IGSF10: variants seen among roughly 807,000 people sequenced by gnomAD.
The protein encoded by IGSF10 is immunoglobulin superfamily member 10.
Under a neutral mutation model 128.2 loss-of-function variants are expected in IGSF10, and 126 were observed. The observed-to-expected ratio is 0.98, with a 90% CI of 0.85 to 1.14. The LOEUF (loss-of-function observed/expected upper bound fraction) is 1.14, where lower values mean the gene tolerates loss of function less well. Among genes scored for constraint, IGSF10 ranks in the 50% most tolerant of loss-of-function variants. The pLI is 0.00. For synonymous variants in IGSF10, 1,185 were observed against 1,146.2 expected (o/e 1.03, Z -0.68); for missense variants, 3,295 against 3,149.8 (o/e 1.05, Z -1.10).
the IGSF10 span, among the ~76,000 whole-genome samples, chr3:151,612,169 C>T: frequency 1.3e-5 from 2 of 152,134 alleles, no homozygotes; most frequent in Non-Finnish European, 2.9e-5. Context: ...CATTGCACTT[C>T]GTGTCAAGTT....
the IGSF10 span, among the ~76,000 whole-genome samples, chr3:151,518,102 A>G: frequency 8.4e-3 from 1,276 of 152,092 alleles, 12 homozygotes; most frequent in South Asian, 0.015. Context: ...CTGCCTACTT[A>G]TATATTTTAA....
At chr3:151,505,522 T>A in the IGSF10 span, among the ~76,000 whole-genome samples, 1 of 152,150 alleles carries the variant, frequency 6.6e-6, no homozygotes, top group African/African-American at 2.4e-5. Context: ...TTCAAAATTA[T>A]CAGGTGAAAA....
the IGSF10 span, among the ~76,000 whole-genome samples, chr3:151,534,241 T>G: frequency 6.6e-6 from 1 of 152,176 alleles, no homozygotes; most frequent in African/African-American, 2.4e-5. Context: ...TGGAAGACAG[T>G]GTGGTGATTC....
the IGSF10 span, among the ~76,000 whole-genome samples, chr3:151,528,296 A>C: frequency 2.0e-5 from 3 of 152,214 alleles, no homozygotes; most frequent in African/African-American, 7.2e-5. Flanking sequence ...AGGTCATTGC[A>C]TTCAGGGACT....
chr3:151,490,042 ACTTATC>A, the IGSF10 span, among the ~76,000 whole-genome samples: 1 of 152,204 alleles, frequency 6.6e-6, no homozygotes, highest in Non-Finnish European at 1.5e-5. Context: ...ATAAGTCTTT[ACTTATC>A]AATAATAACC....
chr3:151,612,861 C>T, the IGSF10 span, among the ~76,000 whole-genome samples: 136,998 of 152,218 alleles, frequency 0.9, 61,927 homozygotes, highest in East Asian at 1. Context: ...AAGCTCAACA[C>T]AACTGATCAT....
At chr3:151,469,565 T>C in the IGSF10 span, among the ~76,000 whole-genome samples, 1 of 152,194 alleles carries the variant, frequency 6.6e-6, no homozygotes, top group East Asian at 1.9e-4. Context: ...TCTACAGAAA[T>C]AAATTGATAA....
At chr3:151,498,258 C>T in the IGSF10 span, among the ~76,000 whole-genome samples, 1 of 152,068 alleles carries the variant, frequency 6.6e-6, no homozygotes, top group Non-Finnish European at 1.5e-5. Flanking sequence ...TGCCAGTTTT[C>T]TAATGCTTCC....
At chr3:151,579,011 A>G in the IGSF10 span, among the ~76,000 whole-genome samples, 1 of 152,228 alleles carries the variant, frequency 6.6e-6, no homozygotes, top group African/African-American at 2.4e-5. Flanking sequence ...GAAAGAGTAA[A>G]GAAGATGAAG....
chr3:151,499,309 T>C, the IGSF10 span, among the ~76,000 whole-genome samples: 2 of 152,162 alleles, frequency 1.3e-5, no homozygotes, highest in Admixed American at 6.6e-5. Flanking sequence ...AAAGCATACA[T>C]TGAGAATACT....
Position 151,448,900 on chromosome 3 carries a change from A to C in IGSF10, c.1081T>G (p.Phe361Val), listed in dbSNP as rs779451066. The C allele has an allele frequency of 6.2e-7, 1 of 1,614,238 alleles. No homozygotes were observed. The highest frequency in any genetic ancestry group is 8.5e-7 in the Non-Finnish European group (1 of 1,180,040). ...CCGTAATCTATGTTGCACACCAAAA[A>C]TGTTGAAAATGAAGTATTTAGCACG... ...YIVLNTSFST[F>V]LVCNIDYGHI... Residue 361 changes from phenylalanine to valine, a missense_variant, in exon 6 of 8, where the codon TTT becomes GTT. Phe to Val is a conservative substitution (Grantham distance 50). Coordinates refer to ENST00000282466, the MANE Select transcript of IGSF10 (RefSeq NM_178822.5).
Position 151,445,124 on chromosome 3 carries a change from A to C in IGSF10, c.4857T>G (p.Ser1619Arg), listed in dbSNP as rs1347018905. The change falls in exon 6 of 8, where the codon AGT becomes AGG. Residue 1619 changes from serine (S) to arginine (R), a missense_variant. Ser to Arg is a moderately radical substitution (Grantham distance 110). Coordinates refer to ENST00000282466, the MANE Select transcript of IGSF10 (RefSeq NM_178822.5). ...CTTGAACTGGTTTCTTATCAAAGTC[A>C]CTCTTCTTTGTGTTCTTCTGTCCAT... ...DWDGQKNTKK[S>R]DFDKKPVQEA... 1.2e-6 allele frequency: 2 copies of C among 1,613,948 alleles called. No homozygotes were observed. The highest frequency in any genetic ancestry group is 3.3e-5 in the Admixed American group (2 of 59,984).
chr3:151,478,695 A>G, the IGSF10 span, among the ~76,000 whole-genome samples: 1 of 152,198 alleles, frequency 6.6e-6, no homozygotes, highest in Non-Finnish European at 1.5e-5. Context: ...TCAAATTCCA[A>G]TGCTCTATAA....
the IGSF10 span, among the ~76,000 whole-genome samples, chr3:151,534,452 C>T: frequency 1.3e-5 from 2 of 152,284 alleles, no homozygotes; most frequent in Non-Finnish European, 2.9e-5. Context: ...AGCACATATA[C>T]ACCATGGAAT....
chr3:151,486,710 C>T, the IGSF10 span, among the ~76,000 whole-genome samples: 721 of 152,176 alleles, frequency 4.7e-3, 6 homozygotes, highest in African/African-American at 0.017. Flanking sequence ...TGAATGACTA[C>T]TCAATGAAAT....
rs529047696 is a variant in IGSF10, at chr3:151,437,642, C to T, written c.6919G>A (p.Asp2307Asn). The T allele has an allele frequency of 2.5e-6, 4 of 1,614,084 alleles. No homozygotes were observed. The African/African-American group carries it at 5.3e-5, about 22-fold the overall frequency. ...GCCACACAGATAAAGTCGGCTGAAT[C>T]TGAAAGCCTCACATTCCTAATTTCC... The part of the protein sequence containing the change: ...TLEIRNVRLS[D>N]SADFICVARN... The change falls in exon 8 of 8, where the codon GAT becomes AAT. Residue 2307 changes from aspartate (D) to asparagine (N), a missense_variant. Transcript: ENST00000282466.
intron 4 of IGSF10, among the ~76,000 whole-genome samples, chr3:151,456,414 A>C (rs1029241049): frequency 2.0e-5 from 3 of 152,166 alleles, no homozygotes; most frequent in African/African-American, 7.2e-5. Context: ...GTTTTAATAG[A>C]TGTCATGTAT....
Position 151,448,467 on chromosome 3 carries a change from G to A in IGSF10, c.1514C>T (p.Pro505Leu), listed in dbSNP as rs775670480. 1.2e-6 allele frequency: 2 copies of A among 1,614,190 alleles called. No homozygotes were observed. Among genetic ancestry groups the A allele is most frequent in the Non-Finnish European group, 1.7e-6 (2 of 1,180,018 alleles). ...ATCAGCTAGAAGCCAATCCACGTGT[G>A]GGGTGGGGTCTCCTTGGCCTGGGCA... ...LNCPGQGDPT[P>L]HVDWLLADGS... The change falls in exon 6 of 8, where the codon CCA becomes CTA. Residue 505 changes from proline (P) to leucine (L), a missense_variant. Coordinates refer to ENST00000282466, the MANE Select transcript of IGSF10 (RefSeq NM_178822.5).
At chr3:151,512,180 C>G in the IGSF10 span, among the ~76,000 whole-genome samples, 1 of 152,144 alleles carries the variant, frequency 6.6e-6, no homozygotes, top group Non-Finnish European at 1.5e-5. Flanking sequence ...AACACCACAC[C>G]ACACCTATTC....
Sources: allele counts gnomAD v4.1 joint callset (sites outside exome capture counted in the v4.1 genomes callset), GRCh38; gene constraint gnomAD v4.1.1; transcripts MANE v1.5; gene names NCBI Gene and HGNC (gene_info 2026-07-23, HGNC 2026-07-21).